EFNA5: variants seen among roughly 807,000 people sequenced by gnomAD.
The protein encoded by EFNA5 is ephrin A5, also known as ephrin-A5.
Under a neutral mutation model 22.9 loss-of-function variants are expected in EFNA5, and 5 were observed. That is an observed-to-expected ratio of 0.22 (90% CI 0.11 to 0.46). EFNA5 has a LOEUF of 0.46. EFNA5 is among the 20% of genes least tolerant of loss of function. EFNA5 has a pLI of 0.99. For synonymous variants in EFNA5, 113 were observed against 112.2 expected (o/e 1.01, Z -0.04); for missense variants, 237 against 293.3 (o/e 0.81, Z 1.40).
chr5:107,454,903 G>C (rs997174513), intron 1 of EFNA5, among the ~76,000 whole-genome samples: 6 of 152,262 alleles, frequency 3.9e-5, no homozygotes, highest in African/African-American at 1.4e-4. Flanking sequence ...CAAGTAGAGA[G>C]GGAAGGAAGC....
At chr5:107,654,717 T>C (rs533847188) in intron 1 of EFNA5, among the ~76,000 whole-genome samples, 1 of 152,140 alleles carries the variant, frequency 6.6e-6, no homozygotes, top group African/African-American at 2.4e-5. Flanking sequence ...ATTTTAAACA[T>C]GTAAAATACA....
chr5:107,559,893 A>G (rs1748500868), intron 1 of EFNA5, among the ~76,000 whole-genome samples: 1 of 152,218 alleles, frequency 6.6e-6, no homozygotes, highest in South Asian at 2.1e-4. Context: ...CCCAAATCTG[A>G]ACATATGAAT....
At chr5:107,620,918 G>C (rs1332486279) in intron 1 of EFNA5, among the ~76,000 whole-genome samples, 2 of 152,236 alleles carry the variant, frequency 1.3e-5, no homozygotes, top group Non-Finnish European at 1.5e-5. Flanking sequence ...AGGTGGAGCA[G>C]AGGAGTAAGA....
At chr5:107,509,229 A>G (rs1747312332) in intron 1 of EFNA5, among the ~76,000 whole-genome samples, 1 of 152,174 alleles carries the variant, frequency 6.6e-6, no homozygotes, top group African/African-American at 2.4e-5. Context: ...ATACCCTTTT[A>G]CAGACTCTTT....
At chr5:107,413,270 T>C (rs1484908313) in intron 2 of EFNA5, among the ~76,000 whole-genome samples, 1 of 152,194 alleles carries the variant, frequency 6.6e-6, no homozygotes. Context: ...GCATATTATA[T>C]GGTTAAAAAA....
intron 1 of EFNA5, among the ~76,000 whole-genome samples, chr5:107,591,126 G>A (rs761309551): frequency 6.6e-6 from 1 of 152,156 alleles, no homozygotes; most frequent in Non-Finnish European, 1.5e-5. Context: ...TGGGTAGGGT[G>A]GGCTGGGAGG....
intron 1 of EFNA5, among the ~76,000 whole-genome samples, chr5:107,482,194 T>C (rs1750486579): frequency 1.3e-5 from 2 of 151,588 alleles, no homozygotes; most frequent in Admixed American, 1.3e-4. Context: ...TGGTCCCAGT[T>C]ATTGGAGAGG....
rs77469970 is a variant in EFNA5 at position 107,390,204 on chromosome 5, T to A, written c.419-2433A>T. Among the ~76,000 whole-genome samples the A allele has an allele frequency of 7.2e-3, 1,091 of 152,310 alleles. 15 individuals are homozygous for A. Among genetic ancestry groups the A allele is most frequent in the African/African-American group, 0.025 (1,055 of 41,578 alleles). The stretch of plus-strand genomic sequence containing the variant: ...TCCAAAAAGATGAAAACGTTTTCCA[T>A]GTAGTAGCAAAACTCCATTTTTTAA... On this transcript the variant is annotated intron_variant, in intron 2 of 4. Coordinates refer to ENST00000333274, the MANE Select transcript of EFNA5 (RefSeq NM_001962.3).
At chr5:107,452,900 A>T (rs1472329447) in intron 1 of EFNA5, among the ~76,000 whole-genome samples, 1 of 152,198 alleles carries the variant, frequency 6.6e-6, no homozygotes. Flanking sequence ...AACACAAAAT[A>T]TTTCAGTAAA....
At chr5:107,395,065 G>A (rs1747887668) in intron 2 of EFNA5, among the ~76,000 whole-genome samples, 1 of 33,188 alleles carries the variant, frequency 3.0e-5, no homozygotes, top group Admixed American at 4.3e-4. Context: ...GCGAGACAGT[G>A]TCTCATTCTG....
intron 1 of EFNA5, among the ~76,000 whole-genome samples, chr5:107,664,955 A>G (rs763529418): frequency 2.0e-5 from 3 of 152,176 alleles, no homozygotes; most frequent in Non-Finnish European, 2.9e-5. Context: ...CATGCACAAA[A>G]ATGAGGAAGG....
intron 2 of EFNA5, 21 bp from the exon 3 acceptor site, chr5:107,387,792 G>C: frequency 1.3e-6 from 2 of 1,550,072 alleles, no homozygotes; most frequent in Admixed American, 1.8e-5. Context: ...CACAGAGAGA[G>C]AGCAGGAAAG....
At chr5:107,572,249 G>GA (rs1748829690) in intron 1 of EFNA5, among the ~76,000 whole-genome samples, 2 of 151,960 alleles carry the variant, frequency 1.3e-5, no homozygotes, top group African/African-American at 4.8e-5. Flanking sequence ...ACAGCCCTCG[G>GA]AGCTCTCTGG....
intron 1 of EFNA5, among the ~76,000 whole-genome samples, chr5:107,526,650 G>A (rs569996269): frequency 6.6e-6 from 1 of 152,322 alleles, no homozygotes; most frequent in South Asian, 2.1e-4. Context: ...AAAAGAACAG[G>A]ATTTACTTCT....
At chr5:107,624,493 T>G (rs1283522805) in intron 1 of EFNA5, among the ~76,000 whole-genome samples, 1 of 152,174 alleles carries the variant, frequency 6.6e-6, no homozygotes, top group Non-Finnish European at 1.5e-5. Flanking sequence ...TAAAAGATTG[T>G]TTTTTTCCTC....
chr5:107,578,595 G>T (rs899290363), intron 1 of EFNA5, among the ~76,000 whole-genome samples: 4 of 144,410 alleles, frequency 2.8e-5, no homozygotes, highest in Non-Finnish European at 6.0e-5. Flanking sequence ...AAAAATAAAT[G>T]ATAAATGGCC....
rs1270389125 is a variant in EFNA5 at position 107,379,240 on chromosome 5, A to C, written c.*2015T>G. 1 of 152,124 alleles carries C rather than the reference A, an allele frequency of 6.6e-6. No individual in the cohort carries two copies. Among genetic ancestry groups the C allele is most frequent in the Non-Finnish European group, 1.5e-5 (1 of 68,028 alleles). The allele number at this position is 152,124 out of a possible 1,614,324, so 9.4% of individuals were successfully genotyped here. Reference sequence around the variant, plus strand: ...GACTCGGCAGTGACATCCACTCCAAATGGATCAGGTAAGCCCAGATTACAT... The same window carrying C: ...GACTCGGCAGTGACATCCACTCCAACTGGATCAGGTAAGCCCAGATTACAT... On this transcript the variant is annotated 3_prime_UTR_variant, in exon 5 of 5. Coordinates refer to ENST00000333274, the MANE Select transcript of EFNA5 (RefSeq NM_001962.3).
chr5:107,459,363 A>C (rs1749776462), intron 1 of EFNA5, among the ~76,000 whole-genome samples: 1 of 145,116 alleles, frequency 6.9e-6, no homozygotes, highest in Admixed American at 7.0e-5. Flanking sequence ...AAAAAAAATC[A>C]ATTGGAACAC....
intron 1 of EFNA5, among the ~76,000 whole-genome samples, chr5:107,574,557 C>T (rs568959864): frequency 6.6e-4 from 101 of 152,184 alleles, no homozygotes; most frequent in African/African-American, 2.3e-3. Context: ...AGATTTTTTT[C>T]CCCCCATGGA....
Sources: gnomAD v4.1 joint callset for allele counts (sites outside exome capture counted in the v4.1 genomes callset) on GRCh38, gnomAD v4.1.1 for gene constraint, MANE v1.5 for transcripts, NCBI Gene and HGNC (gene_info 2026-07-23, HGNC 2026-07-21) for gene names.